Variants in AOPEP observed in about 807,000 individuals in gnomAD.
AOPEP encodes the protein aminopeptidase O.
Under a neutral mutation model 98.1 loss-of-function variants are expected in AOPEP, and 77 were observed. The ratio of observed to expected loss-of-function variants is 0.78; its 90% CI spans 0.65 to 0.95. AOPEP has a LOEUF of 0.95. Among genes scored for constraint, AOPEP ranks in the 40% least tolerant of loss-of-function variants. AOPEP has a pLI of 0.00. For missense variants in AOPEP, 1,024 were observed against 1,024.7 expected (o/e 1.00, Z 0.01); for synonymous variants, 346 against 365.3 (o/e 0.95, Z 0.60).
chr9:94,786,960 C>G (rs1023791625), intron 3 of AOPEP, among the ~76,000 whole-genome samples: 1 of 152,072 alleles, frequency 6.6e-6, no homozygotes. Context: ...TCCAAATGAG[C>G]TCTACTAAGT....
chr9:94,931,523 G>A (rs918205291), intron 7 of AOPEP, among the ~76,000 whole-genome samples: 1 of 152,088 alleles, frequency 6.6e-6, no homozygotes, highest in Non-Finnish European at 1.5e-5. Context: ...CAGAGAACCT[G>A]GAAGTTATTG....
intron 1 of AOPEP, among the ~76,000 whole-genome samples, chr9:94,743,588 T>C (rs1833763583): frequency 6.6e-6 from 1 of 152,186 alleles, no homozygotes; most frequent in Non-Finnish European, 1.5e-5. Context: ...CATTTTGTTA[T>C]TGTTTTTTCC....
chr9:94,992,095 T>C (rs2060926347), intron 11 of AOPEP, among the ~76,000 whole-genome samples: 1 of 152,226 alleles, frequency 6.6e-6, no homozygotes, highest in African/African-American at 2.4e-5. Context: ...GTCCCTGTCT[T>C]TTGCCCTGAA....
chr9:95,121,870 T>C, the AOPEP span, among the ~76,000 whole-genome samples: 4 of 151,780 alleles, frequency 2.6e-5, no homozygotes, highest in Non-Finnish European at 5.9e-5. Flanking sequence ...TTTTTTTTTT[T>C]TTTTTGAGAT....
intron 11 of AOPEP, among the ~76,000 whole-genome samples, chr9:94,989,852 G>A (rs1000127147): frequency 1.3e-5 from 2 of 151,570 alleles, no homozygotes; most frequent in African/African-American, 4.8e-5. Flanking sequence ...CTTGTGATCC[G>A]CCCGCCTCGG....
chr9:95,094,790 C>T, the AOPEP span, among the ~76,000 whole-genome samples: 1 of 152,280 alleles, frequency 6.6e-6, no homozygotes, highest in African/African-American at 2.4e-5. Flanking sequence ...CTCAGCCTCC[C>T]GAGTAGCTGG....
the AOPEP span, chr9:95,135,251 T>C: frequency 8.0e-7 from 1 of 1,254,224 alleles, no homozygotes; most frequent in Non-Finnish European, 1.2e-6. Context: ...AATTGCTCTT[T>C]TGTTTACATC....
At chr9:94,875,696 C>T (rs1269331623) in intron 5 of AOPEP, among the ~76,000 whole-genome samples, 1 of 152,162 alleles carries the variant, frequency 6.6e-6, no homozygotes, top group African/African-American at 2.4e-5. Context: ...TAGGTGAGTA[C>T]GTATGCTTTC....
chr9:94,750,647 A>G (rs1362632395), intron 1 of AOPEP, among the ~76,000 whole-genome samples: 2 of 151,952 alleles, frequency 1.3e-5, no homozygotes, highest in Admixed American at 1.3e-4. Flanking sequence ...TAACCCATTT[A>G]TGCTTAGCGT....
chr9:94,876,454 C>T (rs982158936), intron 5 of AOPEP, among the ~76,000 whole-genome samples: 4 of 151,926 alleles, frequency 2.6e-5, no homozygotes, highest in Non-Finnish European at 5.9e-5. Flanking sequence ...CAAGCTCCAC[C>T]TCCTGGGTTC....
intron 4 of AOPEP, among the ~76,000 whole-genome samples, chr9:94,800,058 C>T (rs991950147): frequency 1.3e-5 from 2 of 151,972 alleles, no homozygotes; most frequent in East Asian, 1.9e-4. Context: ...TGGCAGTGGT[C>T]GGATGAAGCA....
intron 5 of AOPEP, among the ~76,000 whole-genome samples, chr9:94,881,754 C>T (rs558269381): frequency 6.6e-6 from 1 of 152,272 alleles, no homozygotes; most frequent in South Asian, 2.1e-4. Context: ...TGAGTTCTGT[C>T]GTCCGAAACT....
intron 13 of AOPEP, among the ~76,000 whole-genome samples, chr9:95,036,455 G>A (rs1370404092): frequency 6.6e-6 from 1 of 152,040 alleles, no homozygotes; most frequent in Non-Finnish European, 1.5e-5. Flanking sequence ...TTGGGGGTTG[G>A]GGTGAGAGAA....
At chr9:95,043,618 A>G (rs2065560939) in intron 13 of AOPEP, among the ~76,000 whole-genome samples, 1 of 152,188 alleles carries the variant, frequency 6.6e-6, no homozygotes, top group African/African-American at 2.4e-5. Flanking sequence ...TTAACATTGT[A>G]AACATCCTTT....
intron 9 of AOPEP, among the ~76,000 whole-genome samples, chr9:94,960,369 C>T (rs926944653): frequency 1.3e-5 from 2 of 151,050 alleles, no homozygotes; most frequent in Non-Finnish European, 2.9e-5. Flanking sequence ...CGAGATCACG[C>T]CACTGCACTC....
chr9:94,734,749 C>T (rs918208288), intron 1 of AOPEP, among the ~76,000 whole-genome samples: 2 of 152,180 alleles, frequency 1.3e-5, no homozygotes, highest in Non-Finnish European at 2.9e-5. Context: ...GCCAATTCAA[C>T]CTAATTGTAG....
chr9:94,869,597 T>C (rs908060689), intron 5 of AOPEP, among the ~76,000 whole-genome samples: 4 of 152,180 alleles, frequency 2.6e-5, no homozygotes, highest in Non-Finnish European at 5.9e-5. Context: ...CCACATAGAA[T>C]GGGGTTGGTA....
At chr9:95,149,877 G>A in the AOPEP span, 4 of 1,557,098 alleles carry the variant, frequency 2.6e-6, no homozygotes, top group Admixed American at 3.9e-5. Context: ...AGCCTTCTAA[G>A]AAAAGGAAAA....
chr9:95,052,309 A>T (rs999329265), intron 13 of AOPEP, among the ~76,000 whole-genome samples: 1 of 152,216 alleles, frequency 6.6e-6, no homozygotes, highest in Non-Finnish European at 1.5e-5. Flanking sequence ...CAGCCTTAAA[A>T]ATGTATATTC....
Sources: gnomAD v4.1 joint callset for allele counts (sites outside exome capture counted in the v4.1 genomes callset) on GRCh38, gnomAD v4.1.1 for gene constraint, MANE v1.5 for transcripts, NCBI Gene and HGNC (gene_info 2026-07-23, HGNC 2026-07-21) for gene names.